RPL32: variants seen among roughly 807,000 people sequenced by gnomAD.
RPL32 encodes the protein ribosomal protein L32, also known as large ribosomal subunit protein eL32.
For synonymous variants in RPL32, 61 were observed against 62.6 expected, an observed-to-expected ratio of 0.98 and a Z score of 0.12; for missense variants, 117 against 173.7, an observed-to-expected ratio of 0.67 and a Z score of 1.83.
rs548439509 is a variant in RPL32 at position 12,836,803 on chromosome 3, T to G, written c.279-580A>C. Among the ~76,000 whole-genome samples, 199 of 152,350 alleles carry G rather than the reference T, an allele frequency of 1.3e-3. 1 individual carries two copies. In the South Asian group the frequency reaches 0.016, roughly 13 times the overall value. On this transcript the variant is annotated intron_variant, in intron 3 of 3. Transcript: ENST00000429711. ...ACAACTTTTTAAGAGGCAGCTACAC[T>G]GTGCCCCATTTGATAACCAATAGGC...
chr3:12,839,605 G>T (rs1327028140), intron 2 of RPL32, 75 bp from the exon 3 acceptor site: 1 of 1,414,592 alleles, frequency 7.1e-7, no homozygotes, highest in Non-Finnish European at 1.0e-6. Context: ...GGGAAAAAAA[G>T]GACCAAATGA....
At chr3:12,838,199 G>C (rs181454165) in intron 3 of RPL32, among the ~76,000 whole-genome samples, 96 of 152,330 alleles carry the variant, frequency 6.3e-4, no homozygotes, top group Admixed American at 1.6e-3. Flanking sequence ...TTAAGGTCAT[G>C]AGTTCAAAAC....
Position 12,835,872 on chromosome 3 carries a change from C to G in RPL32, c.*222G>C. On this transcript the variant is annotated 3_prime_UTR_variant, in exon 4 of 4. Coordinates refer to ENST00000429711, the MANE Select transcript of RPL32 (RefSeq NM_000994.4). ...CATACCCAGCCTCAACTGGAGATGACTAAGGCTAGTCTGTGCACTTGAGGC... is the reference window on the plus strand; with the variant it reads ...CATACCCAGCCTCAACTGGAGATGAGTAAGGCTAGTCTGTGCACTTGAGGC... The G allele has an allele frequency of 1.8e-6, 1 of 546,630 alleles. No individual in the cohort carries two copies. Among genetic ancestry groups the G allele is most frequent in the Non-Finnish European group, 3.2e-6 (1 of 308,702 alleles). The allele number at this position is 546,630 out of a possible 1,614,324, so 33.9% of individuals were successfully genotyped here.
chr3:12,837,458 T>C (rs1479861814), intron 3 of RPL32, among the ~76,000 whole-genome samples: 6 of 152,258 alleles, frequency 3.9e-5, no homozygotes, highest in African/African-American at 1.4e-4. Flanking sequence ...ACAGAGCATA[T>C]GCCAACCAGC....
Position 12,836,031 on chromosome 3 carries a change from G to T in RPL32, c.*63C>A. Reference sequence around the variant, plus strand: ...AAGAAGCTGAAGACTTAAAATCAAGGAAGGAAGATGCCAGATGGCAGTTTT... The same window carrying T: ...AAGAAGCTGAAGACTTAAAATCAAGTAAGGAAGATGCCAGATGGCAGTTTT... On this transcript the variant is annotated 3_prime_UTR_variant, in exon 4 of 4. Transcript: ENST00000429711. The T allele has an allele frequency of 3.8e-6, 6 of 1,587,904 alleles. No homozygotes were observed. The highest frequency in any genetic ancestry group is 5.1e-6 in the Non-Finnish European group (6 of 1,166,072).
intron 3 of RPL32, among the ~76,000 whole-genome samples, chr3:12,837,622 G>A (rs1286721805): frequency 3.3e-5 from 5 of 152,194 alleles, no homozygotes; most frequent in Non-Finnish European, 7.3e-5. Context: ...TCAACGCCTG[G>A]TTAAATTTCC....
intron 3 of RPL32, 59 bp from the exon 4 acceptor site, chr3:12,836,282 C>T: frequency 6.3e-7 from 1 of 1,595,296 alleles, no homozygotes; most frequent in Non-Finnish European, 8.5e-7. Flanking sequence ...TGGAAAATTC[C>T]ATTGGAGAGG....
intron 3 of RPL32, among the ~76,000 whole-genome samples, chr3:12,838,621 C>T (rs1450111884): frequency 6.6e-6 from 1 of 152,044 alleles, no homozygotes; most frequent in East Asian, 1.9e-4. Context: ...CCATGTTTGA[C>T]CTTCTCCCGC....
rs753437520 is a variant in RPL32, at chr3:12,840,209, G to C, written c.29C>G (p.Pro10Arg). 1 of 1,613,950 alleles carries C rather than the reference G, an allele frequency of 6.2e-7. No homozygotes were observed. The highest frequency in any genetic ancestry group is 1.3e-5 in the African/African-American group (1 of 75,014). Reference sequence around the variant, plus strand: ...CTTGGTTCTCTTTTTGACGATCTTGGGCTTCACAAGGGGTCTGAGGGCGGC... The same window carrying C: ...CTTGGTTCTCTTTTTGACGATCTTGCGCTTCACAAGGGGTCTGAGGGCGGC... MAALRPLVK[P>R]KIVKKRTKKF... The change falls in exon 2 of 4, where the codon CCC (proline) becomes CGC (arginine). Residue 10 changes from proline to arginine, a missense_variant. Pro to Arg is a moderately radical substitution (Grantham distance 103, BLOSUM62 -2). Transcript: ENST00000429711.
At chr3:12,838,639 C>G (rs2062119959) in intron 3 of RPL32, among the ~76,000 whole-genome samples, 1 of 151,616 alleles carries the variant, frequency 6.6e-6, no homozygotes, top group African/African-American at 2.4e-5. Flanking sequence ...CGCTTGTAAG[C>G]CAAAAATAAA....
chr3:12,837,419 T>C (rs2062108252), intron 3 of RPL32, among the ~76,000 whole-genome samples: 1 of 152,276 alleles, frequency 6.6e-6, no homozygotes, highest in Admixed American at 6.5e-5. Context: ...AGTATTTCTA[T>C]GGATCTTAAA....
intron 3 of RPL32, among the ~76,000 whole-genome samples, chr3:12,837,904 T>C (rs949816279): frequency 1.3e-5 from 2 of 152,256 alleles, no homozygotes; most frequent in Admixed American, 6.5e-5. Context: ...GAGTCTTTTA[T>C]ACACAAAGCT....
At chr3:12,840,363 G>A (rs1473631087) in intron 1 of RPL32, 121 bp from the exon 2 acceptor site, 3 of 800,142 alleles carry the variant, frequency 3.7e-6, no homozygotes, top group Non-Finnish European at 6.7e-6. Context: ...GCTGGGAATG[G>A]AATGGGTGCC....
In RPL32 at chr3:12,840,654, C is replaced by T. The variant is rs183037460; in HGVS notation, c.-5-412G>A. ...CCTCACCTGTAAAATGAAGATGACA[C>T]TGCGCGCTGAATGCCTGCAGTGCCT... On this transcript the variant is annotated intron_variant, in intron 1 of 3. Transcript: ENST00000429711. The T allele has an allele frequency of 7.3e-5, 29 of 394,666 alleles. 1 individual carries two copies. The Admixed American group carries it at 8.3e-4, about 11-fold the overall frequency. 24.4% of individuals were successfully genotyped at this position (394,666 alleles called of 1,614,324 possible).
intron 3 of RPL32, 90 bp downstream of exon 3, chr3:12,839,259 C>G: frequency 8.2e-7 from 1 of 1,219,634 alleles, no homozygotes; most frequent in Non-Finnish European, 1.2e-6. Context: ...CGCCAAAATG[C>G]ATCCCAAGAG....
chr3:12,838,807 T>C (rs538220507), intron 3 of RPL32, among the ~76,000 whole-genome samples: 4 of 152,302 alleles, frequency 2.6e-5, no homozygotes, highest in African/African-American at 7.2e-5. Flanking sequence ...AAGTGCCGCC[T>C]TTCTGGACCA....
chr3:12,836,424 T>C (rs77264382), intron 3 of RPL32, among the ~76,000 whole-genome samples: 3,125 of 152,226 alleles, frequency 0.021, 112 homozygotes, highest in African/African-American at 0.072. Context: ...AGTACCCTCA[T>C]TGTCCCCTCT....
intron 3 of RPL32, 53 bp downstream of exon 3, chr3:12,839,296 C>G: frequency 6.4e-7 from 1 of 1,550,432 alleles, no homozygotes; most frequent in Non-Finnish European, 8.9e-7. Flanking sequence ...CAGAAGTGCT[C>G]ACACAGATGC....
intron 3 of RPL32, among the ~76,000 whole-genome samples, chr3:12,836,629 C>G (rs1018834983): frequency 2.0e-5 from 3 of 152,206 alleles, no homozygotes; most frequent in African/African-American, 7.2e-5. Flanking sequence ...TGGTCAAGAG[C>G]AGAACCCAAG....
Sources: gnomAD v4.1 joint callset for allele counts (sites outside exome capture counted in the v4.1 genomes callset) on GRCh38, gnomAD v4.1.1 for gene constraint, MANE v1.5 for transcripts, NCBI Gene and HGNC (gene_info 2026-07-23, HGNC 2026-07-21) for gene names.